The following RAB3C variants were observed in gnomAD, a reference collection of about 807,000 sequenced individuals.
RAB3C encodes RAB3C, member RAS oncogene family, also known as ras-related protein Rab-3C.
In RAB3C, 17 loss-of-function variants were observed where a neutral mutation model predicts 26.4. That is an observed-to-expected ratio of 0.64 (90% CI 0.44 to 0.97). The LOEUF (loss-of-function observed/expected upper bound fraction) is 0.97. RAB3C is among the 50% of genes least tolerant of loss of function. The probability of loss-of-function intolerance (pLI) is 0.00; values close to 1 mark genes in which losing one functional copy is unlikely to be tolerated. For synonymous variants in RAB3C, 91 were observed against 95.9 expected (o/e 0.95, Z 0.30); for missense variants, 242 against 281.9 (o/e 0.86, Z 1.01).
intron 1 of RAB3C, among the ~76,000 whole-genome samples, chr5:58,587,049 A>C (rs1437483840): frequency 6.6e-6 from 1 of 152,140 alleles, no homozygotes; most frequent in East Asian, 1.9e-4. Context: ...GACTTTAGAG[A>C]AATGAGAAAT....
At chr5:58,813,595 TATATATATA>T (rs1339570617) in intron 3 of RAB3C, among the ~76,000 whole-genome samples, 4 of 8,092 alleles carry the variant, frequency 4.9e-4, no homozygotes, top group African/African-American at 2.9e-3. Context: ...TTTATATTTA[TATATATATA>T]TATATATATA....
At chr5:58,676,147 A>G (rs1432173039) in intron 2 of RAB3C, among the ~76,000 whole-genome samples, 1 of 152,082 alleles carries the variant, frequency 6.6e-6, no homozygotes, top group African/African-American at 2.4e-5. Context: ...CCCTTATTCA[A>G]ACTCTGTCAA....
At chr5:58,745,002 A>G (rs1046861590) in intron 3 of RAB3C, among the ~76,000 whole-genome samples, 3 of 152,122 alleles carry the variant, frequency 2.0e-5, no homozygotes, top group African/African-American at 7.2e-5. Context: ...TTTTTGGCCT[A>G]TCTCTCAGTC....
chr5:58,595,014 C>T (rs187565873), intron 1 of RAB3C, among the ~76,000 whole-genome samples: 1 of 152,100 alleles, frequency 6.6e-6, no homozygotes, highest in East Asian at 1.9e-4. Context: ...ATTTTGTGTT[C>T]TCCATTTGGA....
intron 1 of RAB3C, among the ~76,000 whole-genome samples, chr5:58,600,759 G>A (rs1172913837): frequency 6.6e-6 from 1 of 152,050 alleles, no homozygotes; most frequent in African/African-American, 2.4e-5. Flanking sequence ...AGTCTTTAGG[G>A]TTTTCAAGGT....
chr5:58,697,841 G>A (rs1317682346), intron 2 of RAB3C, among the ~76,000 whole-genome samples: 3 of 152,004 alleles, frequency 2.0e-5, no homozygotes, highest in African/African-American at 4.8e-5. Flanking sequence ...TGGGTCTTCC[G>A]AATAAGCACA....
intron 3 of RAB3C, among the ~76,000 whole-genome samples, chr5:58,791,545 A>G (rs1412115265): frequency 6.6e-6 from 1 of 152,218 alleles, no homozygotes; most frequent in Non-Finnish European, 1.5e-5. Flanking sequence ...TTGGCTAGTT[A>G]AGAGGAGATA....
At chr5:58,586,257 T>G (rs1337685657) in intron 1 of RAB3C, among the ~76,000 whole-genome samples, 2 of 152,062 alleles carry the variant, frequency 1.3e-5, no homozygotes, top group Non-Finnish European at 2.9e-5. Context: ...ATAGGCATGA[T>G]CACTCGAACT....
chr5:58,664,460 TA>T (rs995840094), intron 2 of RAB3C, among the ~76,000 whole-genome samples: 1 of 152,108 alleles, frequency 6.6e-6, no homozygotes, highest in Non-Finnish European at 1.5e-5. Context: ...TAGCGGTTGC[TA>T]GGGGTCAGGA....
At chr5:58,648,399 G>C (rs186697100) in intron 2 of RAB3C, among the ~76,000 whole-genome samples, 3 of 152,302 alleles carry the variant, frequency 2.0e-5, no homozygotes, top group Non-Finnish European at 4.4e-5. Context: ...CTCTTAGAGA[G>C]ATCACAATCT....
intron 3 of RAB3C, chr5:58,741,882 GT>G (rs1272130578): frequency 6.6e-6 from 1 of 151,978 alleles, no homozygotes; most frequent in Non-Finnish European, 1.5e-5. Context: ...GCAGGTGCCT[GT>G]AATCCCAGCT....
intron 2 of RAB3C, among the ~76,000 whole-genome samples, chr5:58,619,423 A>G (rs574172809): frequency 6.6e-6 from 1 of 152,312 alleles, no homozygotes; most frequent in East Asian, 1.9e-4. Context: ...CAGGCAATCC[A>G]ATTGTTATAT....
At chr5:58,638,829 A>G (rs184335444) in intron 2 of RAB3C, among the ~76,000 whole-genome samples, 1 of 152,358 alleles carries the variant, frequency 6.6e-6, no homozygotes, top group Admixed American at 6.5e-5. Context: ...ATATAGTAAC[A>G]GGTGTGTAGC....
chr5:58,585,300 G>A (rs1023916502), intron 1 of RAB3C, among the ~76,000 whole-genome samples: 1 of 151,906 alleles, frequency 6.6e-6, no homozygotes, highest in Non-Finnish European at 1.5e-5. Context: ...ATATTTTAAA[G>A]TAACAAGTAA....
intron 2 of RAB3C, among the ~76,000 whole-genome samples, chr5:58,715,502 T>C (rs79216625): frequency 0.023 from 3,533 of 152,228 alleles, 129 homozygotes; most frequent in African/African-American, 0.08. Flanking sequence ...TTCAGCTTGT[T>C]AAAATTTGTG....
Position 58,617,838 on chromosome 5 carries a change from A to G in RAB3C, c.220A>G (p.Lys74Glu). 6.2e-7 allele frequency: 1 copy of G among 1,612,058 alleles called. No individual in the cohort carries two copies. ...GIDFKVKTVF[K>E]NEKRIKLQIW... ...CGATTTCAAAGTAAAAACTGTATTC[A>G]AAAATGAAAAGAGAATCAAGCTTCA... The change falls in exon 2 of 5, where the codon AAA (lysine) becomes GAA (glutamate). Residue 74 changes from lysine (K) to glutamate (E), a missense_variant. Coordinates refer to ENST00000282878, the MANE Select transcript of RAB3C (RefSeq NM_138453.4).
In RAB3C at chr5:58,858,477, AG is replaced by A. The variant is rs1744312853; in HGVS notation, c.*7131del. On this transcript the variant is annotated 3_prime_UTR_variant, in exon 5 of 5. Transcript: ENST00000282878. Reference sequence around the variant, plus strand: ...ATGGCTCCTGCCCCTAATGAGAACAAGGGGGAAAAATCCAGATATAATCTAA... The same window carrying A: ...ATGGCTCCTGCCCCTAATGAGAACAAGGGGAAAAATCCAGATATAATCTAA... 6.6e-6 allele frequency: 1 copy of A among 152,188 alleles called. No individual in the cohort carries two copies. The highest frequency in any genetic ancestry group is 1.5e-5 in the Non-Finnish European group (1 of 68,054). The allele number at this position is 152,188 out of a possible 1,614,324, so 9.4% of individuals were successfully genotyped here.
At chr5:58,643,935 C>G (rs1300128059) in intron 2 of RAB3C, among the ~76,000 whole-genome samples, 1 of 152,122 alleles carries the variant, frequency 6.6e-6, no homozygotes, top group African/African-American at 2.4e-5. Flanking sequence ...GATTCTCCTG[C>G]CTCAGCCCCC....
At chr5:58,797,835 G>A (rs1742708773) in intron 3 of RAB3C, among the ~76,000 whole-genome samples, 1 of 152,150 alleles carries the variant, frequency 6.6e-6, no homozygotes, top group Non-Finnish European at 1.5e-5. Context: ...GGCAAGATAA[G>A]ATTTGGCGAC....
Sources: gnomAD v4.1 joint callset for allele counts (sites outside exome capture counted in the v4.1 genomes callset) on GRCh38, gnomAD v4.1.1 for gene constraint, MANE v1.5 for transcripts, NCBI Gene and HGNC (gene_info 2026-07-23, HGNC 2026-07-21) for gene names.